CADM2: variants seen among roughly 807,000 people sequenced by gnomAD.
CADM2 encodes the protein immunoglobulin superfamily member 4D.
A neutral mutation model predicts 49.8 loss-of-function variants in CADM2; 12 were observed. That is an observed-to-expected ratio of 0.24 (90% confidence interval 0.15 to 0.39). The LOEUF is 0.39. Ranked by LOEUF, CADM2 falls within the 10% of genes least tolerant of loss-of-function variation. The pLI is 1.00. For synonymous variants in CADM2, 214 were observed against 175.4 expected (o/e 1.22, Z -1.74); for missense variants, 378 against 492.3 (o/e 0.77, Z 2.20).
intron 1 of CADM2, among the ~76,000 whole-genome samples, chr3:85,522,373 T>G (rs1053229660): frequency 6.6e-6 from 1 of 152,174 alleles, no homozygotes; most frequent in Admixed American, 6.5e-5. Context: ...AATTAAATCA[T>G]GTTTGTAGAA....
At chr3:85,947,212 C>G (rs1255491550) in intron 7 of CADM2, among the ~76,000 whole-genome samples, 1 of 151,836 alleles carries the variant, frequency 6.6e-6, no homozygotes, top group Non-Finnish European at 1.5e-5. Flanking sequence ...TCATCACTGG[C>G]CATCAGAAAA....
chr3:85,443,857 T>C (rs1288258748), intron 1 of CADM2, among the ~76,000 whole-genome samples: 1 of 152,124 alleles, frequency 6.6e-6, no homozygotes, highest in Non-Finnish European at 1.5e-5. Context: ...CACCCAAACT[T>C]GTGTTTCTTG....
chr3:85,299,890 A>G (rs2044052377), intron 1 of CADM2, among the ~76,000 whole-genome samples: 1 of 152,126 alleles, frequency 6.6e-6, no homozygotes, highest in African/African-American at 2.4e-5. Flanking sequence ...ACCCTGAGGT[A>G]AAAGTATTTT....
chr3:85,502,533 T>A (rs2040161579), intron 1 of CADM2, among the ~76,000 whole-genome samples: 1 of 152,092 alleles, frequency 6.6e-6, no homozygotes, highest in Admixed American at 6.6e-5. Flanking sequence ...GCCAATAACT[T>A]AATTATCTGC....
chr3:85,644,314 TG>T (rs1377429540), intron 1 of CADM2, among the ~76,000 whole-genome samples: 2 of 152,156 alleles, frequency 1.3e-5, no homozygotes, highest in East Asian at 3.9e-4. Context: ...CCAGTCTTAC[TG>T]GATTAGGCCC....
rs1313257475 is a variant in CADM2, at chr3:85,940,022, AC to A, written c.791+4166del. ...GGATAATAGAGAATTTTTAACAACA[AC>A]AAAAAAAAAACAGACAAAAGCCTGG... On this transcript the variant is annotated intron_variant, in intron 7 of 9. Transcript: ENST00000383699. 1.3e-4 allele frequency among the ~76,000 whole-genome samples: 9 copies of A among 71,288 alleles called. No individual in the cohort carries two copies. The African/African-American group carries it at 1.3e-3, about 11-fold the overall frequency. 46.8% of individuals were successfully genotyped at this position (71,288 alleles called of 152,430 possible).
intron 7 of CADM2, among the ~76,000 whole-genome samples, chr3:85,958,732 G>C (rs944418468): frequency 6.6e-6 from 1 of 151,956 alleles, no homozygotes; most frequent in Admixed American, 6.6e-5. Context: ...AAAGGAGTGA[G>C]ATCATGTCCT....
At chr3:85,141,641 C>G (rs917227301) in intron 1 of CADM2, among the ~76,000 whole-genome samples, 2 of 152,012 alleles carry the variant, frequency 1.3e-5, no homozygotes, top group African/African-American at 4.8e-5. Context: ...AACAGAGATC[C>G]AATCCTTTTT....
chr3:85,427,575 G>A (rs2036471997), intron 1 of CADM2, among the ~76,000 whole-genome samples: 1 of 152,010 alleles, frequency 6.6e-6, no homozygotes, highest in South Asian at 2.1e-4. Context: ...TCTAAAATAT[G>A]AGGAAATGAC....
intron 1 of CADM2, among the ~76,000 whole-genome samples, chr3:85,309,545 T>G (rs1224791753): frequency 6.6e-6 from 1 of 152,212 alleles, no homozygotes; most frequent in African/African-American, 2.4e-5. Context: ...ACCTGGAACA[T>G]AGCAAGCACT....
At chr3:84,985,676 C>T (rs12496044) in intron 1 of CADM2, among the ~76,000 whole-genome samples, 7,534 of 152,162 alleles carry the variant, frequency 0.05, 225 homozygotes, top group East Asian at 0.1. Flanking sequence ...CAGATGTACA[C>T]GAAATTATCC....
chr3:85,474,619 T>A (rs560475369), intron 1 of CADM2, among the ~76,000 whole-genome samples: 10 of 152,002 alleles, frequency 6.6e-5, no homozygotes, highest in Non-Finnish European at 1.2e-4. Flanking sequence ...AATTATTTCC[T>A]CAAATTACAT....
At chr3:85,493,799 T>TGTAC (rs2039774576) in intron 1 of CADM2, among the ~76,000 whole-genome samples, 1 of 152,210 alleles carries the variant, frequency 6.6e-6, no homozygotes, top group Non-Finnish European at 1.5e-5. Flanking sequence ...CTCTAAGGTT[T>TGTAC]GTACTTCCGG....
intron 1 of CADM2, among the ~76,000 whole-genome samples, chr3:85,605,241 A>G (rs2063512795): frequency 6.6e-6 from 1 of 152,084 alleles, no homozygotes; most frequent in Admixed American, 6.6e-5. Flanking sequence ...ACAAAAGTAC[A>G]ACTGAAGGAC....
At chr3:85,035,967 A>G (rs1301192978) in intron 1 of CADM2, among the ~76,000 whole-genome samples, 1 of 152,242 alleles carries the variant, frequency 6.6e-6, no homozygotes, top group Non-Finnish European at 1.5e-5. Context: ...TGTAACATAG[A>G]GAGCACAGTG....
At chr3:85,020,744 C>T (rs1007363266) in intron 1 of CADM2, among the ~76,000 whole-genome samples, 11 of 111,118 alleles carry the variant, frequency 9.9e-5, no homozygotes, top group African/African-American at 3.3e-4. Flanking sequence ...TGTATGTGTA[C>T]GGTGTGTGTG....
intron 1 of CADM2, among the ~76,000 whole-genome samples, chr3:85,451,707 T>C (rs2037755063): frequency 6.6e-6 from 1 of 152,184 alleles, no homozygotes; most frequent in South Asian, 2.1e-4. Context: ...TTTGCTATTC[T>C]GTGCATAAGG....
At chr3:85,872,367 A>T (rs147864326) in intron 3 of CADM2, among the ~76,000 whole-genome samples, 22 of 152,250 alleles carry the variant, frequency 1.4e-4, no homozygotes, top group African/African-American at 5.3e-4. Flanking sequence ...CTGAACCATT[A>T]TATTTAATAA....
intron 2 of CADM2, 57 bp from the exon 3 acceptor site, chr3:85,801,990 G>GTGGTCT: frequency 8.3e-7 from 1 of 1,202,416 alleles, no homozygotes; most frequent in South Asian, 2.3e-5. Context: ...TAGATCTTAG[G>GTGGTCT]CAGTTAATCA....
Sources: gnomAD v4.1 joint callset for allele counts (sites outside exome capture counted in the v4.1 genomes callset) on GRCh38, gnomAD v4.1.1 for gene constraint, MANE v1.5 for transcripts, NCBI Gene and HGNC (gene_info 2026-07-23, HGNC 2026-07-21) for gene names.